Variants in TOP1MT observed in about 807,000 individuals in gnomAD.
The protein encoded by TOP1MT is DNA topoisomerase I mitochondrial, also known as DNA topoisomerase I, mitochondrial.
Under a neutral mutation model 73.9 loss-of-function variants are expected in TOP1MT, and 80 were observed. The observed-to-expected ratio is 1.08, with a 90% confidence interval of 0.90 to 1.30. The LOEUF is 1.30. TOP1MT is among the 50% of genes most tolerant of loss of function. The pLI is 0.00. For missense variants in TOP1MT, 815 were observed against 808.0 expected (o/e 1.01, Z -0.10); for synonymous variants, 338 against 326.4 (o/e 1.04, Z -0.38).
At chr8:143,349,148 T>C (rs1301211265), upstream of TOP1MT, among the ~76,000 whole-genome samples, 1 of 152,044 alleles carries the variant, frequency 6.6e-6, no homozygotes, top group African/African-American at 2.4e-5. Flanking sequence ...TGTTTAATGT[T>C]TCATTAGAGA....
intron 2 of TOP1MT, among the ~76,000 whole-genome samples, chr8:143,342,605 G>GCT (rs1330924154): frequency 3.6e-4 from 21 of 57,802 alleles, no homozygotes; most frequent in Middle Eastern, 0.01. Context: ...ACAGAGTCTC[G>GCT]CTGTTATTAT....
Position 143,310,065 on chromosome 8 carries a change from C to T in TOP1MT, c.1703+3G>A, listed in dbSNP as rs1425839325. The stretch of plus-strand genomic sequence containing the variant: ...TGGGAACTGAGACCCCAGGCACACG[C>T]ACCAGGCAATGCTGATCCTGGGGTC... On this transcript the variant is annotated splice_donor_region_variant and intron_variant, in intron 13 of 13. Transcript: ENST00000329245. 1 of 1,611,922 alleles carries T rather than the reference C, an allele frequency of 6.2e-7. No homozygotes were observed. Among genetic ancestry groups the T allele is most frequent in the Non-Finnish European group, 8.5e-7 (1 of 1,179,916 alleles).
intron 5 of TOP1MT, 71 bp downstream of exon 5, chr8:143,325,275 G>T: frequency 7.3e-7 from 1 of 1,366,558 alleles, no homozygotes; most frequent in Non-Finnish European, 1.0e-6. Context: ...TCTCCCAGGA[G>T]GTGAAGAAAA....
upstream of TOP1MT, among the ~76,000 whole-genome samples, chr8:143,347,688 G>GCAGCCAGCCAGCCAGCCAGCCAGC (rs36222627): frequency 3.3e-5 from 5 of 149,986 alleles, no homozygotes; most frequent in Admixed American, 2.0e-4. Flanking sequence ...CAGCAGGCAG[G>GCAGCCAGCCAGCCAGCCAGCCAGC]CAGCCAGCCA....
chr8:143,318,953 G>A (rs148510338), intron 8 of TOP1MT, among the ~76,000 whole-genome samples: 184 of 152,268 alleles, frequency 1.2e-3, no homozygotes, highest in Admixed American at 2.8e-3. Context: ...CATGCATTCC[G>A]TTACCGAGTG....
chr8:143,318,865 CCTCAT>C (rs150476944), intron 8 of TOP1MT, among the ~76,000 whole-genome samples: 2,586 of 152,304 alleles, frequency 0.017, 77 homozygotes, highest in African/African-American at 0.06. Flanking sequence ...TGGCTTCTTC[CCTCAT>C]CTTCCTCTAC....
intron 5 of TOP1MT, among the ~76,000 whole-genome samples, chr8:143,325,061 A>C (rs751573480): frequency 6.6e-6 from 1 of 152,212 alleles, no homozygotes. Context: ...ACCTAATGCT[A>C]CTGGGCCATC....
rs147714048 is a variant in TOP1MT at position 143,329,378 on chromosome 8, C to T, written c.332G>A (p.Arg111Gln). The change falls in exon 3 of 14, where the codon CGG becomes CAG. Residue 111 changes from arginine to glutamine, a missense_variant. Arg to Gln is a conservative substitution (Grantham distance 43). This residue lies in a region of TOP1MT where 751 missense variants were observed against 725.4 expected (regional missense o/e 1.04). Coordinates refer to ENST00000329245, the MANE Select transcript of TOP1MT (RefSeq NM_052963.3). Reference sequence around the variant, plus strand: ...TCGCCAGTCATTGAAGAAGTTCTTCCGGAAAACCTCCTTTGTTGTGTATTC... The same window carrying T: ...TCGCCAGTCATTGAAGAAGTTCTTCTGGAAAACCTCCTTTGTTGTGTATTC... ...DHEYTTKEVF[R>Q]KNFFNDWRKE... is the part of the protein sequence containing the mutation. The T allele has an allele frequency of 1.1e-3, 1,816 of 1,607,436 alleles. 2 individuals carry two copies. Among genetic ancestry groups the T allele is most frequent in the Non-Finnish European group, 1.3e-3 (1,536 of 1,178,270 alleles).
chr8:143,326,119 A>AG, intron 4 of TOP1MT, 103 bp downstream of exon 4: 1 of 1,338,540 alleles, frequency 7.5e-7, no homozygotes, highest in Non-Finnish European at 1.0e-6. Context: ...CTTTGTGAGA[A>AG]GGGGCTTCTC....
intron 2 of TOP1MT, among the ~76,000 whole-genome samples, chr8:143,342,525 CAG>C (rs368472930): frequency 2.4e-4 from 25 of 104,734 alleles, no homozygotes; most frequent in Middle Eastern, 6.2e-3. Context: ...TTATTAGAGA[CAG>C]AGTCTCGCTC....
intron 4 of TOP1MT, 93 bp downstream of exon 4, chr8:143,326,129 C>CT: frequency 5.5e-6 from 8 of 1,450,778 alleles, no homozygotes; most frequent in Non-Finnish European, 7.5e-6. Flanking sequence ...AGGGGCTTCT[C>CT]TAAGGCCACA....
At chr8:143,321,507 ACACG>A (rs1816358721) in intron 7 of TOP1MT, 121 bp from the exon 8 acceptor site, 1 of 732,368 alleles carries the variant, frequency 1.4e-6, no homozygotes, top group African/African-American at 2.0e-5. Flanking sequence ...CACGCCACAC[ACACG>A]CACTCCACAC....
At chr8:143,358,817 G>A (rs1817455798), upstream of TOP1MT, among the ~76,000 whole-genome samples, 1 of 152,112 alleles carries the variant, frequency 6.6e-6, no homozygotes, top group African/African-American at 2.4e-5. Flanking sequence ...GGGCAGGAGA[G>A]GCAACCGGCC....
intron 3 of TOP1MT, chr8:143,327,679 G>C (rs950446373): frequency 5.3e-6 from 2 of 376,584 alleles, no homozygotes. Flanking sequence ...ACTGGAAGAA[G>C]TGCTGACCAG....
intron 8 of TOP1MT, among the ~76,000 whole-genome samples, chr8:143,320,928 G>A (rs1055085374): frequency 2.0e-5 from 3 of 152,210 alleles, no homozygotes; most frequent in African/African-American, 7.2e-5. Context: ...AGCAGCCCTG[G>A]GAGATGCTCC....
At chr8:143,326,730 C>T (rs1280332474) in intron 3 of TOP1MT, among the ~76,000 whole-genome samples, 2 of 152,232 alleles carry the variant, frequency 1.3e-5, no homozygotes, top group African/African-American at 2.4e-5. Context: ...ACTGCAGAAA[C>T]GTCATGACCG....
rs753542838 is a variant in TOP1MT at position 143,310,106 on chromosome 8, G to A, written c.1665C>T (p.Ser555=). Residue 555 remains serine (S), a synonymous_variant, in exon 13 of 14, where the codon TCC becomes TCT. Transcript: ENST00000329245. ...TCCTGGGGTCCAGGTAGTTGAGCTT[G>A]GACGTGCCCAGGGCCACCTGCTTGT... ...EENKQVALGT[S]KLNYLDPRIS... 8 of 1,613,580 alleles carry A rather than the reference G, an allele frequency of 5.0e-6. No homozygotes were observed. Among genetic ancestry groups the A allele is most frequent in the Non-Finnish European group, 4.2e-6 (5 of 1,179,998 alleles).
At position 143,310,236 on chromosome 8, in the gene TOP1MT, G is replaced by T. The variant is rs1815974155; in HGVS notation, c.1554-19C>A. 2 of 1,499,806 alleles carry T rather than the reference G, an allele frequency of 1.3e-6. No homozygotes were observed. Among genetic ancestry groups the T allele is most frequent in the Non-Finnish European group, 1.8e-6 (2 of 1,127,834 alleles). 92.9% of individuals were successfully genotyped at this position (1,499,806 alleles called of 1,614,324 possible). On this transcript the variant is annotated intron_variant, in intron 12 of 13. Coordinates refer to ENST00000329245, the MANE Select transcript of TOP1MT (RefSeq NM_052963.3). ...CAGGACACTGGCAAGAGAAGAGGAG[G>T]CCGCGAGGCCCCGCGCTGGACTAGC...
rs200205171 is a variant in TOP1MT at position 143,321,270 on chromosome 8, G to T, written c.1077C>A (p.His359Gln). The change falls in exon 8 of 14, where the codon CAC (histidine) becomes CAA (glutamine). Residue 359 changes from histidine (H) to glutamine (Q), a missense_variant. This residue lies in a region of TOP1MT where 751 missense variants were observed against 725.4 expected (regional missense o/e 1.04). Transcript: ENST00000329245. ...QLHPEADGCQ[H>Q]VVEFDFLGKD... ...TCCCCAGGAAGTCAAATTCCACCAC[G>T]TGTTGGCAGCCATCGGCCTCCGGGT... 6.2e-7 allele frequency: 1 copy of T among 1,612,502 alleles called. No homozygotes were observed. Among genetic ancestry groups the T allele is most frequent in the South Asian group, 1.1e-5 (1 of 90,990 alleles).
Sources: gnomAD v4.1 joint callset for allele counts (sites outside exome capture counted in the v4.1 genomes callset) on GRCh38, gnomAD v4.1.1 for gene constraint, gnomAD v4.1.1 regional missense constraint, MANE v1.5 for transcripts, NCBI Gene and HGNC (gene_info 2026-07-23, HGNC 2026-07-21) for gene names.